NDUFAF2: variants seen among roughly 807,000 people sequenced by gnomAD.
NDUFAF2 encodes NADH:ubiquinone oxidoreductase complex assembly factor 2.
NDUFAF2 carries 13 observed loss-of-function variants against 22.8 expected under a neutral mutation model. The observed-to-expected ratio is 0.57, with a 90% CI of 0.37 to 0.91. NDUFAF2 has a LOEUF of 0.91. NDUFAF2 is among the 40% of genes least tolerant of loss of function. The pLI, the probability that NDUFAF2 is intolerant of heterozygous loss-of-function variation, is 0.01. For missense variants in NDUFAF2, 162 were observed against 195.2 expected (o/e 0.83, Z 1.01); for synonymous variants, 53 against 64.2 (o/e 0.83, Z 0.84).
intron 3 of NDUFAF2, chr5:61,114,629 T>C (rs960273801): frequency 6.6e-6 from 1 of 152,172 alleles, no homozygotes; most frequent in African/African-American, 2.4e-5. Flanking sequence ...GAATTTGGTA[T>C]TTATTGTAAT....
chr5:61,130,185 A>G (rs955573182), intron 3 of NDUFAF2, among the ~76,000 whole-genome samples: 4 of 152,116 alleles, frequency 2.6e-5, no homozygotes, highest in African/African-American at 9.7e-5. Context: ...GGAATTGACT[A>G]TCACTGTTGC....
chr5:61,037,493 G>A (rs925993391), intron 1 of NDUFAF2, among the ~76,000 whole-genome samples: 6 of 152,158 alleles, frequency 3.9e-5, no homozygotes, highest in Non-Finnish European at 5.9e-5. Context: ...TTTAAAAACT[G>A]TCCTAATGTT....
chr5:61,032,107 T>G (rs1028586403), intron 1 of NDUFAF2, among the ~76,000 whole-genome samples: 1 of 152,216 alleles, frequency 6.6e-6, no homozygotes, highest in African/African-American at 2.4e-5. Context: ...TTTAAGTTCC[T>G]TGTAGATTCT....
intron 3 of NDUFAF2, among the ~76,000 whole-genome samples, chr5:61,151,734 C>T (rs547644544): frequency 7.5e-4 from 114 of 151,212 alleles, no homozygotes; most frequent in African/African-American, 2.6e-3. Flanking sequence ...GCCGAGGTTG[C>T]GGTAAGCCGA....
chr5:61,147,163 G>A (rs1403447129), intron 3 of NDUFAF2, among the ~76,000 whole-genome samples: 24 of 151,792 alleles, frequency 1.6e-4, no homozygotes, highest in Non-Finnish European at 4.4e-5. Flanking sequence ...ATTATGTTTA[G>A]TATCTCAGTT....
intron 1 of NDUFAF2, among the ~76,000 whole-genome samples, chr5:60,989,250 C>G (rs1453519668): frequency 6.6e-6 from 1 of 151,998 alleles, no homozygotes; most frequent in African/African-American, 2.4e-5. Flanking sequence ...TTTTAAAAAT[C>G]AAAAAATTAC....
intron 1 of NDUFAF2, among the ~76,000 whole-genome samples, chr5:60,966,816 G>A (rs992903827): frequency 2.0e-5 from 3 of 152,010 alleles, no homozygotes; most frequent in Non-Finnish European, 4.4e-5. Context: ...AGATTGCTTT[G>A]GCTATTTAGA....
At position 61,091,756 on chromosome 5, in the gene NDUFAF2, C is replaced by T. The variant is rs539063800; in HGVS notation, c.218-7236C>T. 3.9e-5 allele frequency among the ~76,000 whole-genome samples: 6 copies of T among 152,274 alleles called. No homozygotes were observed. The South Asian group carries it at 8.3e-4, about 21-fold the overall frequency. The stretch of plus-strand genomic sequence containing the variant: ...TTTGTTTTGAGAATTGGTGTCTTCT[C>T]ATGAAATTTTTGCCCATTTCTATAT... On this transcript the variant is annotated intron_variant, in intron 2 of 3. Coordinates refer to ENST00000296597, the MANE Select transcript of NDUFAF2 (RefSeq NM_174889.5).
chr5:61,061,006 G>T (rs905009712), intron 1 of NDUFAF2, among the ~76,000 whole-genome samples: 3 of 152,092 alleles, frequency 2.0e-5, no homozygotes, highest in Non-Finnish European at 4.4e-5. Flanking sequence ...TGAGTCTGCT[G>T]TTTCATTCTT....
intron 1 of NDUFAF2, among the ~76,000 whole-genome samples, chr5:60,982,348 G>A (rs928945995): frequency 2.0e-5 from 3 of 151,800 alleles, no homozygotes; most frequent in Non-Finnish European, 2.9e-5. Flanking sequence ...ATGGCAGCAG[G>A]CAAAAAAGAG....
intron 1 of NDUFAF2, among the ~76,000 whole-genome samples, chr5:61,008,159 G>T (rs1580092216): frequency 8.3e-6 from 1 of 121,052 alleles, no homozygotes; most frequent in East Asian, 2.9e-4. Flanking sequence ...TTGTGGGGTG[G>T]GGGGAGGGGG....
intron 1 of NDUFAF2, among the ~76,000 whole-genome samples, chr5:60,946,061 T>A (rs968866343): frequency 6.6e-6 from 1 of 152,180 alleles, no homozygotes; most frequent in Non-Finnish European, 1.5e-5. Flanking sequence ...AATCATGGTG[T>A]TACTGTGTAG....
intron 1 of NDUFAF2, among the ~76,000 whole-genome samples, chr5:61,068,875 T>G (rs558281439): frequency 3.3e-4 from 50 of 152,136 alleles, no homozygotes; most frequent in Non-Finnish European, 6.8e-4. Flanking sequence ...GCAACATATC[T>G]TAGTGGTTAA....
At position 60,953,021 on chromosome 5, in the gene NDUFAF2, G is replaced by C. The variant is rs187266676; in HGVS notation, c.127+7639G>C. Among the ~76,000 whole-genome samples, 4 of 152,098 alleles carry C rather than the reference G, an allele frequency of 2.6e-5. No individual in the cohort carries two copies. In the South Asian group the frequency reaches 8.3e-4, roughly 31 times the overall value. ...TAATATATGTAATTGGATACCATGA[G>C]GGGTAAAGGTCATTTTGCAGGTCAA... is the stretch of plus-strand genomic sequence containing the variant. On this transcript the variant is annotated intron_variant, in intron 1 of 3. Transcript: ENST00000296597.
At chr5:61,032,011 T>C (rs1751733998) in intron 1 of NDUFAF2, among the ~76,000 whole-genome samples, 1 of 152,232 alleles carries the variant, frequency 6.6e-6, no homozygotes, top group Non-Finnish European at 1.5e-5. Flanking sequence ...GTTTGTTGGC[T>C]GCATAAATGT....
chr5:61,002,053 G>A (rs573785543), intron 1 of NDUFAF2, among the ~76,000 whole-genome samples: 1 of 152,224 alleles, frequency 6.6e-6, no homozygotes, highest in South Asian at 2.1e-4. Flanking sequence ...CCATCAATAA[G>A]CAAGAGATGA....
At chr5:61,022,154 A>G (rs78504465) in intron 1 of NDUFAF2, among the ~76,000 whole-genome samples, 2,296 of 152,272 alleles carry the variant, frequency 0.015, 69 homozygotes, top group African/African-American at 0.052. Flanking sequence ...TTGTCCAGGA[A>G]TCTGGGTATC....
intron 1 of NDUFAF2, among the ~76,000 whole-genome samples, chr5:61,016,104 T>G (rs1444616438): frequency 6.6e-6 from 1 of 152,140 alleles, no homozygotes; most frequent in Non-Finnish European, 1.5e-5. Flanking sequence ...GAGAATCGCT[T>G]GAACCCAGGA....
chr5:60,980,188 A>G (rs1220599876), intron 1 of NDUFAF2, among the ~76,000 whole-genome samples: 1 of 152,210 alleles, frequency 6.6e-6, no homozygotes, highest in Non-Finnish European at 1.5e-5. Flanking sequence ...AATGATGAGT[A>G]CAAACAAGTC....
Sources: allele counts gnomAD v4.1 joint callset (sites outside exome capture counted in the v4.1 genomes callset), GRCh38; gene constraint gnomAD v4.1.1; transcripts MANE v1.5; gene names NCBI Gene and HGNC (gene_info 2026-07-23, HGNC 2026-07-21).